The following CSMD1 variants were observed in gnomAD, a reference collection of about 807,000 sequenced individuals.
The protein encoded by CSMD1 is CUB and sushi domain-containing protein 1.
A neutral mutation model predicts 417.5 loss-of-function variants in CSMD1; 213 were observed. That is an observed-to-expected ratio of 0.51 (90% CI 0.46 to 0.57). The LOEUF (loss-of-function observed/expected upper bound fraction) is 0.57. Ranked by LOEUF, CSMD1 falls within the 20% of genes least tolerant of loss-of-function variation. The probability of loss-of-function intolerance (pLI) is 0.00; values close to 1 mark genes in which losing one functional copy is unlikely to be tolerated. For synonymous variants in CSMD1, 2,862 were observed against 1,736.8 expected (o/e 1.65, Z -16.11); for missense variants, 6,923 against 4,529.7 (o/e 1.53, Z -15.17).
At chr8:4,160,431 G>C (rs918967716) in intron 3 of CSMD1, among the ~76,000 whole-genome samples, 5 of 152,304 alleles carry the variant, frequency 3.3e-5, no homozygotes, top group South Asian at 2.1e-4. Flanking sequence ...AAATAGTCCA[G>C]AATAAAGAAT....
chr8:4,943,067 T>C (rs12056859), intron 1 of CSMD1, among the ~76,000 whole-genome samples: 77,993 of 152,022 alleles, frequency 0.51, 21,268 homozygotes, highest in East Asian at 0.79. Flanking sequence ...ATGAAAGTAA[T>C]TGTTCATAAC....
At chr8:3,558,241 T>G (rs1799255918) in intron 10 of CSMD1, among the ~76,000 whole-genome samples, 1 of 149,214 alleles carries the variant, frequency 6.7e-6, no homozygotes, top group South Asian at 2.1e-4. Context: ...TGACAAATAG[T>G]GCCTCAATAG....
intron 26 of CSMD1, among the ~76,000 whole-genome samples, chr8:3,241,322 CA>C (rs1178016158): frequency 4.0e-5 from 6 of 151,274 alleles, no homozygotes; most frequent in Admixed American, 2.6e-4. Flanking sequence ...GTTATGGAGG[CA>C]AGGGAAACAG....
At chr8:4,608,939 G>A (rs1392489827) in intron 2 of CSMD1, among the ~76,000 whole-genome samples, 1 of 151,102 alleles carries the variant, frequency 6.6e-6, no homozygotes, top group African/African-American at 2.4e-5. Flanking sequence ...AACCTTGTTT[G>A]ATTAACTCTG....
At chr8:3,978,174 G>C (rs1392245885) in intron 5 of CSMD1, among the ~76,000 whole-genome samples, 6 of 152,170 alleles carry the variant, frequency 3.9e-5, no homozygotes, top group Admixed American at 6.5e-5. Context: ...GAAACAGCCT[G>C]TCTGCAGGAC....
intron 7 of CSMD1, among the ~76,000 whole-genome samples, chr8:3,649,466 C>A (rs1366268811): frequency 3.3e-5 from 5 of 152,140 alleles, no homozygotes; most frequent in African/African-American, 9.7e-5. Context: ...ACTCACAGTT[C>A]ATCATGGCTG....
chr8:3,883,265 T>C (rs1303948617), intron 5 of CSMD1, among the ~76,000 whole-genome samples: 1 of 152,158 alleles, frequency 6.6e-6, no homozygotes, highest in Non-Finnish European at 1.5e-5. Context: ...AATATTGAGA[T>C]AAAGTATTTC....
chr8:4,798,680 A>G (rs1798114637), intron 1 of CSMD1, among the ~76,000 whole-genome samples: 1 of 152,186 alleles, frequency 6.6e-6, no homozygotes, highest in Non-Finnish European at 1.5e-5. Context: ...ACCATACACC[A>G]AACTAATTTT....
At chr8:4,573,072 T>A (rs1333941871) in intron 2 of CSMD1, among the ~76,000 whole-genome samples, 1 of 152,182 alleles carries the variant, frequency 6.6e-6, no homozygotes, top group East Asian at 1.9e-4. Context: ...AACGCTCCTT[T>A]AGCTCAGAGG....
At chr8:4,360,450 G>A (rs1170529006) in intron 3 of CSMD1, among the ~76,000 whole-genome samples, 1 of 152,114 alleles carries the variant, frequency 6.6e-6, no homozygotes, top group Non-Finnish European at 1.5e-5. Flanking sequence ...TCATAGAAGA[G>A]CCCGTTATCA....
chr8:4,704,165 A>T (rs757631729), intron 1 of CSMD1, among the ~76,000 whole-genome samples: 17 of 152,232 alleles, frequency 1.1e-4, no homozygotes, highest in Non-Finnish European at 1.9e-4. Context: ...CTCAAGCCCC[A>T]GTCTCTATTA....
chr8:4,576,281 C>A (rs1211071885), intron 2 of CSMD1, among the ~76,000 whole-genome samples: 1 of 152,218 alleles, frequency 6.6e-6, no homozygotes, highest in Admixed American at 6.5e-5. Context: ...CTTCCTCTTG[C>A]CACAGGGCAT....
At chr8:3,878,771 T>C (rs1044347460) in intron 5 of CSMD1, among the ~76,000 whole-genome samples, 2 of 152,172 alleles carry the variant, frequency 1.3e-5, no homozygotes, top group Non-Finnish European at 2.9e-5. Context: ...TTATGCTTCC[T>C]GAGTTTGTGC....
intron 18 of CSMD1, among the ~76,000 whole-genome samples, chr8:3,384,773 ATT>A (rs1810881740): frequency 1.6e-5 from 2 of 122,754 alleles, no homozygotes; most frequent in East Asian, 2.2e-4. Context: ...ATAAATATAT[ATT>A]TATATAATAT....
chr8:3,696,348 C>T (rs1800551670), intron 7 of CSMD1, among the ~76,000 whole-genome samples: 2 of 152,206 alleles, frequency 1.3e-5, no homozygotes, highest in South Asian at 4.1e-4. Flanking sequence ...CCAATGTGTT[C>T]ACCTTGGCTT....
chr8:3,442,803 A>G (rs919472740), intron 12 of CSMD1, among the ~76,000 whole-genome samples: 4 of 152,082 alleles, frequency 2.6e-5, no homozygotes, highest in Admixed American at 6.6e-5. Flanking sequence ...TTTTGTGTCT[A>G]TATTTATGAG....
intron 12 of CSMD1, among the ~76,000 whole-genome samples, chr8:3,429,342 T>G (rs1814060220): frequency 6.6e-6 from 1 of 152,164 alleles, no homozygotes; most frequent in Admixed American, 6.5e-5. Context: ...AAAAATTATT[T>G]TGGGAAACAA....
intron 7 of CSMD1, among the ~76,000 whole-genome samples, chr8:3,648,382 T>C (rs867696674): frequency 6.6e-6 from 1 of 152,224 alleles, no homozygotes; most frequent in Non-Finnish European, 1.5e-5. Context: ...AATTAAGACT[T>C]TGTGAGACTG....
intron 1 of CSMD1, among the ~76,000 whole-genome samples, chr8:4,805,474 G>A (rs766007900): frequency 2.6e-5 from 4 of 152,106 alleles, no homozygotes; most frequent in Admixed American, 2.0e-4. Flanking sequence ...CCTGCGTCGA[G>A]AAGTCAGCGA....
Sources: allele counts gnomAD v4.1 joint callset (sites outside exome capture counted in the v4.1 genomes callset), GRCh38; gene constraint gnomAD v4.1.1; transcripts MANE v1.5; gene names NCBI Gene and HGNC (gene_info 2026-07-23, HGNC 2026-07-21).